Variants in CAMK1D observed in about 807,000 individuals in gnomAD.
CAMK1D encodes the protein calcium/calmodulin-dependent protein kinase type 1D.
CAMK1D carries 9 observed loss-of-function variants against 47.7 expected under a neutral mutation model. The observed-to-expected ratio is 0.19, with a 90% CI of 0.11 to 0.33. The LOEUF (loss-of-function observed/expected upper bound fraction) is 0.33. CAMK1D is among the 10% of genes least tolerant of loss of function. The pLI, the probability that CAMK1D is intolerant of heterozygous loss-of-function variation, is 1.00. For missense variants in CAMK1D, 291 were observed against 488.7 expected, an observed-to-expected ratio of 0.60 and a Z score of 3.81; for synonymous variants, 184 against 184.9, an observed-to-expected ratio of 0.99 and a Z score of 0.04.
intron 2 of CAMK1D, among the ~76,000 whole-genome samples, chr10:12,566,902 T>C (rs767895005): frequency 3.3e-5 from 5 of 152,188 alleles, no homozygotes; most frequent in Admixed American, 2.6e-4. Context: ...TTCCCCTCCC[T>C]GGCAGCGATG....
At chr10:12,681,528 T>G (rs1378700295) in intron 3 of CAMK1D, among the ~76,000 whole-genome samples, 1 of 152,292 alleles carries the variant, frequency 6.6e-6, no homozygotes, top group African/African-American at 2.4e-5. Flanking sequence ...TGCTGAAAAC[T>G]GAATGAAATG....
intron 5 of CAMK1D, among the ~76,000 whole-genome samples, chr10:12,783,405 A>G (rs1837587058): frequency 6.6e-6 from 1 of 152,210 alleles, no homozygotes; most frequent in African/African-American, 2.4e-5. Context: ...TCATGTGTGA[A>G]GGACAGAGAG....
At chr10:12,576,801 C>G (rs1229245572) in intron 2 of CAMK1D, among the ~76,000 whole-genome samples, 2 of 152,200 alleles carry the variant, frequency 1.3e-5, no homozygotes, top group Non-Finnish European at 2.9e-5. Context: ...GTTCTGGAGA[C>G]TCGGCTCTGT....
rs548072788 is a variant in CAMK1D, at chr10:12,498,608, T to C, written c.93-54617T>C. Among the ~76,000 whole-genome samples the C allele has an allele frequency of 6.3e-4, 96 of 152,304 alleles. 1 individual carries two copies. The highest frequency in any genetic ancestry group is 6.8e-4 in the Non-Finnish European group (46 of 68,004). On this transcript the variant is annotated intron_variant, in intron 1 of 10. Coordinates refer to ENST00000619168, the MANE Select transcript of CAMK1D (RefSeq NM_153498.4). ...TTGAGTTAGTTCTCATCACTGGATG[T>C]CATCAGGGAGGGGCTAGGCCACAGC...
At chr10:12,752,938 G>A (rs893037014) in intron 3 of CAMK1D, among the ~76,000 whole-genome samples, 3 of 152,096 alleles carry the variant, frequency 2.0e-5, no homozygotes, top group East Asian at 1.9e-4. Context: ...CTTTAGTATC[G>A]GAAAAAGTAT....
intron 2 of CAMK1D, among the ~76,000 whole-genome samples, chr10:12,651,020 A>T (rs2132510179): frequency 6.6e-6 from 1 of 152,230 alleles, no homozygotes; most frequent in South Asian, 2.1e-4. Flanking sequence ...GCTTCATGAG[A>T]CTGGGAATGA....
intron 1 of CAMK1D, among the ~76,000 whole-genome samples, chr10:12,477,397 A>G (rs1833933711): frequency 6.6e-6 from 1 of 152,206 alleles, no homozygotes; most frequent in Non-Finnish European, 1.5e-5. Flanking sequence ...CCTGGGTGAC[A>G]GAGCAAGACT....
At position 12,675,018 on chromosome 10, in the gene CAMK1D, G is replaced by A. The variant is rs1477937159; in HGVS notation, c.299+8208G>A. 5.3e-5 allele frequency among the ~76,000 whole-genome samples: 7 copies of A among 133,306 alleles called. No individual in the cohort carries two copies. The South Asian group carries it at 1.7e-3, about 32-fold the overall frequency. The allele number at this position is 133,306 out of a possible 152,430, so 87.5% of individuals were successfully genotyped here. On this transcript the variant is annotated intron_variant, in intron 3 of 10. Coordinates refer to ENST00000619168, the MANE Select transcript of CAMK1D (RefSeq NM_153498.4). Reference sequence around the variant, plus strand: ...TGCACTCCAGCCTGGGCGACAGAGCGAGACTCCATCTCAAAAAAAAAAAAA... The same window carrying A: ...TGCACTCCAGCCTGGGCGACAGAGCAAGACTCCATCTCAAAAAAAAAAAAA...
At chr10:12,698,860 A>G (rs551538610) in intron 3 of CAMK1D, among the ~76,000 whole-genome samples, 8 of 151,788 alleles carry the variant, frequency 5.3e-5, no homozygotes, top group Non-Finnish European at 1.2e-4. Flanking sequence ...TTTAGTAGAG[A>G]CGGGGTTTCA....
intron 1 of CAMK1D, among the ~76,000 whole-genome samples, chr10:12,372,675 G>T (rs541601628): frequency 1.6e-4 from 25 of 152,194 alleles, no homozygotes; most frequent in African/African-American, 4.8e-4. Context: ...CTGGATCATG[G>T]CTCACTGCAG....
intron 1 of CAMK1D, among the ~76,000 whole-genome samples, chr10:12,445,448 G>A (rs1832898423): frequency 1.3e-5 from 2 of 152,240 alleles, no homozygotes; most frequent in Admixed American, 1.3e-4. Context: ...CCTTTCACAT[G>A]AAGACAGGCC....
Position 12,804,986 on chromosome 10 carries a change from C to T in CAMK1D, c.642-9209C>T, listed in dbSNP as rs376798029. Among the ~76,000 whole-genome samples, 108 of 147,274 alleles carry T rather than the reference C, an allele frequency of 7.3e-4. 1 individual carries two copies. The highest frequency in any genetic ancestry group is 1.3e-3 in the Non-Finnish European group (85 of 67,004). ...GATACAAAAAAAATACTAGGCCGGG[C>T]GCGGTGGCTCACGCCTATAATCCCA... On this transcript the variant is annotated intron_variant, in intron 6 of 10. Coordinates refer to ENST00000619168, the MANE Select transcript of CAMK1D (RefSeq NM_153498.4).
At position 12,834,803 on chromosome 10, in the gene CAMK1D, T is replaced by C. The variant is rs951958255; in HGVS notation, c.*5916T>C. Reference sequence around the variant, plus strand: ...ATTGCTTCTCGGAGGAAAATCTTAATCTAGACAGATTCAGATTCCCAGGCT... The same window carrying C: ...ATTGCTTCTCGGAGGAAAATCTTAACCTAGACAGATTCAGATTCCCAGGCT... On this transcript the variant is annotated 3_prime_UTR_variant, in exon 11 of 11. Transcript: ENST00000619168. 1.3e-5 allele frequency: 2 copies of C among 152,192 alleles called. No individual in the cohort carries two copies. The allele number at this position is 152,192 out of a possible 1,614,324, so 9.4% of individuals were successfully genotyped here. A position where few individuals can be genotyped will look rare whatever the true frequency, so the allele number is the denominator to read the frequency against.
chr10:12,475,563 A>G (rs1833878011), intron 1 of CAMK1D, among the ~76,000 whole-genome samples: 1 of 152,064 alleles, frequency 6.6e-6, no homozygotes, highest in African/African-American at 2.4e-5. Context: ...CCTGTTGGCT[A>G]TTGTGGGTAA....
chr10:12,758,684 A>G (rs1457535016), intron 3 of CAMK1D, among the ~76,000 whole-genome samples: 5 of 152,152 alleles, frequency 3.3e-5, no homozygotes, highest in African/African-American at 1.2e-4. Flanking sequence ...ACATAATGGG[A>G]AAAAAGAGGA....
At chr10:12,391,338 G>T (rs564319123) in intron 1 of CAMK1D, among the ~76,000 whole-genome samples, 4 of 152,286 alleles carry the variant, frequency 2.6e-5, no homozygotes, top group African/African-American at 9.6e-5. Context: ...TCCTAAAGCA[G>T]TCTTAGGTCG....
At chr10:12,627,627 A>G (rs1173400361) in intron 2 of CAMK1D, among the ~76,000 whole-genome samples, 3 of 152,136 alleles carry the variant, frequency 2.0e-5, no homozygotes, top group Non-Finnish European at 4.4e-5. Context: ...ACTTCATGTA[A>G]ATGGAATCAT....
intron 3 of CAMK1D, among the ~76,000 whole-genome samples, chr10:12,674,599 C>CT (rs11391139): frequency 0.044 from 2,771 of 63,472 alleles, 331 homozygotes; most frequent in African/African-American, 0.13. Context: ...TGGAAAAATG[C>CT]TTTTTTTTTT....
chr10:12,388,723 C>T (rs998501407), intron 1 of CAMK1D, among the ~76,000 whole-genome samples: 6 of 152,112 alleles, frequency 3.9e-5, no homozygotes, highest in South Asian at 2.1e-4. Flanking sequence ...AAGACAGCTC[C>T]GTCATTACCT....
Sources: allele counts gnomAD v4.1 joint callset (sites outside exome capture counted in the v4.1 genomes callset), GRCh38; gene constraint gnomAD v4.1.1; transcripts MANE v1.5; gene names NCBI Gene and HGNC (gene_info 2026-07-23, HGNC 2026-07-21).